Variants in SKIC3 observed in about 807,000 individuals in gnomAD.
SKIC3 encodes superkiller complex protein 3.
chr5:95,476,413 A>C, the SKIC3 span, among the ~76,000 whole-genome samples: 1 of 152,182 alleles, frequency 6.6e-6, no homozygotes, highest in Non-Finnish European at 1.5e-5. Flanking sequence ...ACATATTATC[A>C]CATATAATAA....
chr5:95,532,930 T>C, the SKIC3 span, among the ~76,000 whole-genome samples: 2 of 152,230 alleles, frequency 1.3e-5, no homozygotes, highest in East Asian at 3.9e-4. Context: ...AGCTGATCAA[T>C]ACTATCTAAT....
At chr5:95,518,485 A>G in the SKIC3 span, among the ~76,000 whole-genome samples, 1 of 151,692 alleles carries the variant, frequency 6.6e-6, no homozygotes. Flanking sequence ...AGCTTCTAGT[A>G]TCCTCTGTTC....
the SKIC3 span, among the ~76,000 whole-genome samples, chr5:95,554,710 ACCTGAGGCGGTCCAC>A: frequency 0.15 from 23,329 of 152,000 alleles, 2,445 homozygotes; most frequent in African/African-American, 0.3. Context: ...TTCACGGCGC[ACCTGAGGCGGTCCAC>A]CCAGAGGCCC....
At chr5:95,526,042 AG>A in the SKIC3 span, among the ~76,000 whole-genome samples, 1 of 152,164 alleles carries the variant, frequency 6.6e-6, no homozygotes, top group Non-Finnish European at 1.5e-5. Flanking sequence ...GTAATACTTC[AG>A]TATCTATATC....
chr5:95,506,391 C>G, the SKIC3 span, among the ~76,000 whole-genome samples: 13 of 152,164 alleles, frequency 8.5e-5, no homozygotes, highest in Non-Finnish European at 1.8e-4. Context: ...AATCAAAAAC[C>G]TTCCTCCTAC....
the SKIC3 span, among the ~76,000 whole-genome samples, chr5:95,473,954 T>C: frequency 1.3e-5 from 2 of 152,260 alleles, no homozygotes; most frequent in East Asian, 1.9e-4. Context: ...CAACTGCTTT[T>C]GGAGGCTTAG....
the SKIC3 span, chr5:95,524,657 A>G: frequency 6.3e-7 from 1 of 1,599,414 alleles, no homozygotes; most frequent in Non-Finnish European, 8.5e-7. Flanking sequence ...CACGCAATAT[A>G]GGAGACTCCT....
the SKIC3 span, chr5:95,536,429 C>T: frequency 4.3e-6 from 1 of 233,776 alleles, no homozygotes; most frequent in Admixed American, 5.2e-5. Flanking sequence ...GTTATTTCTT[C>T]CACTATAACA....
At chr5:95,535,692 C>G in the SKIC3 span, among the ~76,000 whole-genome samples, 2 of 151,742 alleles carry the variant, frequency 1.3e-5, no homozygotes, top group Non-Finnish European at 2.9e-5. Context: ...ATGAGGAGAA[C>G]TGAGATAGGT....
the SKIC3 span, chr5:95,502,781 A>G: frequency 1.3e-6 from 2 of 1,540,174 alleles, no homozygotes; most frequent in African/African-American, 2.7e-5. Context: ...TTGTTCACCC[A>G]AAAGTTCCTA....
chr5:95,503,368 T>C, the SKIC3 span, among the ~76,000 whole-genome samples: 1 of 152,206 alleles, frequency 6.6e-6, no homozygotes, highest in Non-Finnish European at 1.5e-5. Flanking sequence ...AAGCAGTAGA[T>C]ATTTCAATGC....
At chr5:95,497,427 G>A in the SKIC3 span, 70 of 1,612,792 alleles carry the variant, frequency 4.3e-5, no homozygotes, top group African/African-American at 4.0e-5. Flanking sequence ...TTTGCATTTC[G>A]TTGAGCATAC....
chr5:95,472,641 T>G, the SKIC3 span, among the ~76,000 whole-genome samples: 1 of 152,040 alleles, frequency 6.6e-6, no homozygotes, highest in South Asian at 2.1e-4. Context: ...ATGCCTTTTT[T>G]TTTTTTCTAA....
chr5:95,498,310 A>G, the SKIC3 span: 6 of 1,529,444 alleles, frequency 3.9e-6, no homozygotes, highest in Admixed American at 3.3e-5. Context: ...TAAAGTCCCA[A>G]TGTCAAATGC....
chr5:95,546,952 G>C, the SKIC3 span: 1 of 1,063,288 alleles, frequency 9.4e-7, no homozygotes, highest in Non-Finnish European at 1.4e-6. Context: ...CTACTAAATG[G>C]CCTTACCACT....
the SKIC3 span, chr5:95,537,027 TA>T: frequency 5.0e-6 from 8 of 1,611,508 alleles, no homozygotes; most frequent in Non-Finnish European, 6.8e-6. Flanking sequence ...ATTAGAGATT[TA>T]AAAAATCAAC....
chr5:95,547,650 T>G, the SKIC3 span, among the ~76,000 whole-genome samples: 1 of 152,094 alleles, frequency 6.6e-6, no homozygotes, highest in Non-Finnish European at 1.5e-5. Context: ...TTTACATTCA[T>G]TCTCTATATA....
chr5:95,545,687 C>T, the SKIC3 span, among the ~76,000 whole-genome samples: 31 of 152,298 alleles, frequency 2.0e-4, no homozygotes, highest in South Asian at 3.7e-3. Context: ...CTGCTCCTTC[C>T]TCCTTCAGCA....
chr5:95,524,190 A>T, the SKIC3 span, among the ~76,000 whole-genome samples: 1 of 152,224 alleles, frequency 6.6e-6, no homozygotes, highest in Admixed American at 6.5e-5. Flanking sequence ...GTATGCTCAT[A>T]AAACTACAGT....
Sources: allele counts gnomAD v4.1 joint callset (sites outside exome capture counted in the v4.1 genomes callset), GRCh38; gene constraint gnomAD v4.1.1; transcripts MANE v1.5; gene names NCBI Gene and HGNC (gene_info 2026-07-23, HGNC 2026-07-21).